Variants in FSTL4 observed in about 807,000 individuals in gnomAD.
FSTL4 encodes follistatin-related protein 4.
Under a neutral mutation model 78.2 loss-of-function variants are expected in FSTL4, and 28 were observed. The observed-to-expected ratio is 0.36, with a 90% CI of 0.27 to 0.49. FSTL4 has a LOEUF of 0.49. FSTL4 is among the 20% of genes least tolerant of loss of function. The pLI is 0.98. For synonymous variants in FSTL4, 422 were observed against 440.5 expected (o/e 0.96, Z 0.53); for missense variants, 922 against 1,084.9 (o/e 0.85, Z 2.11).
At chr5:133,738,988 T>C in the FSTL4 span, among the ~76,000 whole-genome samples, 1 of 152,072 alleles carries the variant, frequency 6.6e-6, no homozygotes, top group African/African-American at 2.4e-5. Flanking sequence ...GCTGTGGGCC[T>C]TACTAGGCTG....
At chr5:133,809,183 T>A in the FSTL4 span, among the ~76,000 whole-genome samples, 1 of 151,682 alleles carries the variant, frequency 6.6e-6, no homozygotes, top group Non-Finnish European at 1.5e-5. Flanking sequence ...CTGGCCAACA[T>A]GGTGAAACCC....
At chr5:133,751,172 C>T in the FSTL4 span, among the ~76,000 whole-genome samples, 2 of 152,130 alleles carry the variant, frequency 1.3e-5, no homozygotes, top group Admixed American at 1.3e-4. Context: ...TCATGCCTGT[C>T]CCAAAGGCCC....
At chr5:133,684,731 C>T in the FSTL4 span, among the ~76,000 whole-genome samples, 11 of 152,132 alleles carry the variant, frequency 7.2e-5, no homozygotes, top group African/African-American at 2.4e-4. Context: ...CCTCATGGTA[C>T]AATTAACTGG....
intron 4 of FSTL4, among the ~76,000 whole-genome samples, chr5:133,390,892 T>C (rs10036371): frequency 0.055 from 8,341 of 152,172 alleles, 704 homozygotes; most frequent in African/African-American, 0.18. Flanking sequence ...GGCTGAGTGA[T>C]CATGCGAGGC....
intron 6 of FSTL4, among the ~76,000 whole-genome samples, chr5:133,295,995 C>T (rs1027151154): frequency 2.6e-5 from 4 of 152,204 alleles, no homozygotes; most frequent in African/African-American, 7.2e-5. Flanking sequence ...GCCCTCTCCT[C>T]GTCTATCCAA....
chr5:133,217,419 C>G, intron 12 of FSTL4, 41 bp from the exon 13 acceptor site: 1 of 1,592,204 alleles, frequency 6.3e-7, no homozygotes, highest in Non-Finnish European at 8.6e-7. Flanking sequence ...CTTAATTGCC[C>G]TTTCCCTCCA....
chr5:133,358,560 G>A (rs376483924), intron 4 of FSTL4, among the ~76,000 whole-genome samples: 1 of 151,598 alleles, frequency 6.6e-6, no homozygotes, highest in Non-Finnish European at 1.5e-5. Context: ...TCGCTTGCAC[G>A]ATGGGGCCCA....
At chr5:133,826,226 C>T in the FSTL4 span, among the ~76,000 whole-genome samples, 2 of 152,322 alleles carry the variant, frequency 1.3e-5, no homozygotes, top group Middle Eastern at 3.4e-3. Flanking sequence ...CGCCACATGG[C>T]TCCATGCTCA....
the FSTL4 span, among the ~76,000 whole-genome samples, chr5:133,672,215 GA>G: frequency 0.085 from 12,906 of 152,174 alleles, 694 homozygotes; most frequent in South Asian, 0.15. Context: ...TTACTTCCAG[GA>G]AAAAGACTAT....
chr5:133,467,563 G>A (rs931428185), intron 3 of FSTL4, among the ~76,000 whole-genome samples: 1 of 152,220 alleles, frequency 6.6e-6, no homozygotes, highest in Non-Finnish European at 1.5e-5. Context: ...AGTGACCTCA[G>A]CAGGGGCTGC....
At chr5:133,285,984 A>G (rs1261510421) in intron 6 of FSTL4, among the ~76,000 whole-genome samples, 1 of 152,194 alleles carries the variant, frequency 6.6e-6, no homozygotes, top group Non-Finnish European at 1.5e-5. Context: ...ACCAATAACT[A>G]AGCTCTGTGC....
At position 133,196,844 on chromosome 5, in the gene FSTL4, CT is replaced by C. The variant is rs1196602115; in HGVS notation, c.*2250del. 1 of 152,362 alleles carries C rather than the reference CT, an allele frequency of 6.6e-6. No individual in the cohort carries two copies. Among genetic ancestry groups the C allele is most frequent in the Non-Finnish European group, 1.5e-5 (1 of 68,134 alleles). 9.4% of individuals were successfully genotyped at this position (152,362 alleles called of 1,614,324 possible). A position where few individuals can be genotyped will look rare whatever the true frequency, so the allele number is the denominator to read the frequency against. ...GACTTTGCCTCCTGGGGCTGGACTC[CT>C]GAAACCCTGACCTAGGCTTCAGGCC... On this transcript the variant is annotated 3_prime_UTR_variant, in exon 16 of 16. Coordinates refer to ENST00000265342, the MANE Select transcript of FSTL4 (RefSeq NM_015082.2).
At chr5:133,435,335 T>C (rs578203336) in intron 3 of FSTL4, among the ~76,000 whole-genome samples, 26 of 152,344 alleles carry the variant, frequency 1.7e-4, no homozygotes, top group Middle Eastern at 3.4e-3. Flanking sequence ...TAGTTCCCTC[T>C]TGGGATTGTA....
intron 2 of FSTL4, among the ~76,000 whole-genome samples, chr5:133,582,283 C>A (rs915980409): frequency 6.6e-6 from 1 of 152,198 alleles, no homozygotes; most frequent in Non-Finnish European, 1.5e-5. Context: ...CTCACCTGCA[C>A]CCCAGACCCC....
intron 4 of FSTL4, among the ~76,000 whole-genome samples, chr5:133,396,339 G>A (rs1756045863): frequency 6.6e-6 from 1 of 152,212 alleles, no homozygotes; most frequent in African/African-American, 2.4e-5. Flanking sequence ...CCATTTTACA[G>A]ATGAAGTAAA....
At chr5:133,408,936 T>C (rs1484536262) in intron 3 of FSTL4, among the ~76,000 whole-genome samples, 2 of 152,200 alleles carry the variant, frequency 1.3e-5, no homozygotes, top group East Asian at 1.9e-4. Context: ...GTTTTACTGA[T>C]TCAAGTGCAT....
chr5:133,697,964 C>T, the FSTL4 span, among the ~76,000 whole-genome samples: 4 of 152,202 alleles, frequency 2.6e-5, no homozygotes, highest in African/African-American at 9.6e-5. Context: ...AGTCTTTATC[C>T]TCAATAGAAC....
intron 4 of FSTL4, among the ~76,000 whole-genome samples, chr5:133,367,479 G>A (rs140337304): frequency 5.3e-5 from 8 of 152,266 alleles, no homozygotes; most frequent in Admixed American, 5.2e-4. Context: ...ATCCCAGAAA[G>A]GCCTGCGTTT....
chr5:133,498,900 T>C (rs1483024362), intron 3 of FSTL4, among the ~76,000 whole-genome samples: 1 of 151,892 alleles, frequency 6.6e-6, no homozygotes, highest in East Asian at 1.9e-4. Flanking sequence ...GAACTAGAGA[T>C]GGGAGTAGGA....
Sources: gnomAD v4.1 joint callset for allele counts (sites outside exome capture counted in the v4.1 genomes callset) on GRCh38, gnomAD v4.1.1 for gene constraint, MANE v1.5 for transcripts, NCBI Gene and HGNC (gene_info 2026-07-23, HGNC 2026-07-21) for gene names.